Variants in CAPZB observed in about 807,000 individuals in gnomAD.
The protein encoded by CAPZB is capping actin protein of muscle Z-line subunit beta.
A neutral mutation model predicts 38.1 loss-of-function variants in CAPZB; 2 were observed. The observed-to-expected ratio is 0.05, with a 90% CI of 0.02 to 0.17. The LOEUF (loss-of-function observed/expected upper bound fraction) is 0.17. CAPZB is among the 10% of genes least tolerant of loss of function. The pLI, the probability that CAPZB is intolerant of heterozygous loss-of-function variation, is 1.00. For missense variants in CAPZB, 161 were observed against 334.2 expected (o/e 0.48, Z 4.04); for synonymous variants, 107 against 127.4 (o/e 0.84, Z 1.08).
chr1:19,403,776 G>T (rs1252002388), intron 2 of CAPZB, among the ~76,000 whole-genome samples: 1 of 152,170 alleles, frequency 6.6e-6, no homozygotes, highest in African/African-American at 2.4e-5. Context: ...TCACCCAACA[G>T]GCTGGATAAG....
intron 2 of CAPZB, among the ~76,000 whole-genome samples, chr1:19,393,071 A>G (rs867318072): frequency 6.6e-6 from 1 of 152,140 alleles, no homozygotes; most frequent in Non-Finnish European, 1.5e-5. Flanking sequence ...CCTGCTCCCC[A>G]ACTCCCCAAG....
chr1:19,432,062 A>G (rs920982214), intron 1 of CAPZB, among the ~76,000 whole-genome samples: 3 of 149,586 alleles, frequency 2.0e-5, no homozygotes, highest in East Asian at 1.9e-4. Flanking sequence ...AAAAAAAAAA[A>G]AAAGAAAAAA....
rs2094119991 is a variant in CAPZB, at chr1:19,371,624, GGGTCA to G, written c.329+6911_329+6915del. On this transcript the variant is annotated intron_variant, in intron 4 of 8. Transcript: ENST00000264202. ...GCTGGGCCTCAGACGCCATGGGTGA[GGGTCA>G]GAGGCTTTTGGTGGGAGGTGGTGGT... Among the ~76,000 whole-genome samples, 8 of 152,120 alleles carry G rather than the reference GGGTCA, an allele frequency of 5.3e-5. No individual in the cohort carries two copies. The South Asian group carries it at 1.7e-3, about 32-fold the overall frequency.
intron 6 of CAPZB, 98 bp from the exon 7 acceptor site, chr1:19,345,350 G>T: frequency 1.0e-6 from 1 of 978,482 alleles, no homozygotes; most frequent in African/African-American, 1.6e-5. Context: ...AGAGCCTACT[G>T]TTCCCACCGT....
chr1:19,448,024 C>T (rs2094502296), intron 1 of CAPZB, among the ~76,000 whole-genome samples: 2 of 152,214 alleles, frequency 1.3e-5, no homozygotes, highest in Non-Finnish European at 2.9e-5. Context: ...GTGAAACACA[C>T]TCCCCCAGGA....
At chr1:19,457,732 C>T (rs980744234) in intron 1 of CAPZB, among the ~76,000 whole-genome samples, 8 of 152,176 alleles carry the variant, frequency 5.3e-5, no homozygotes, top group Non-Finnish European at 1.2e-4. Flanking sequence ...TGGAAAGCAA[C>T]TTGGCAGAAT....
chr1:19,440,845 A>G (rs988217138), intron 1 of CAPZB, among the ~76,000 whole-genome samples: 7 of 152,178 alleles, frequency 4.6e-5, no homozygotes, highest in African/African-American at 1.7e-4. Context: ...CAGATCACAA[A>G]GTCAGGAGAT....
rs970944792 is a variant in CAPZB at position 19,449,330 on chromosome 1, G to A, written c.4-29580C>T. The stretch of plus-strand genomic sequence containing the variant: ...GATGCGAGTCACGGTCAGGCATGGA[G>A]CTGAGGAACGGGGAAGATTTTGCCA... On this transcript the variant is annotated intron_variant, in intron 1 of 8. Transcript: ENST00000264202. 1.4e-5 allele frequency: 14 copies of A among 1,025,568 alleles called. No individual in the cohort carries two copies. In the African/African-American group the frequency reaches 2.0e-4, roughly 15 times the overall value. 63.5% of individuals were successfully genotyped at this position (1,025,568 alleles called of 1,614,324 possible).
At chr1:19,430,737 C>T (rs2094439270) in intron 1 of CAPZB, among the ~76,000 whole-genome samples, 1 of 152,194 alleles carries the variant, frequency 6.6e-6, no homozygotes, top group Admixed American at 6.5e-5. Context: ...TGCACCCGCA[C>T]CTCAGAGAGC....
intron 1 of CAPZB, among the ~76,000 whole-genome samples, chr1:19,431,860 T>C (rs2094442846): frequency 6.6e-6 from 1 of 151,198 alleles, no homozygotes. Flanking sequence ...GCAGATCACT[T>C]GACCCCAGTA....
chr1:19,396,051 C>T (rs1261542040), intron 2 of CAPZB, among the ~76,000 whole-genome samples: 1 of 152,252 alleles, frequency 6.6e-6, no homozygotes, highest in African/African-American at 2.4e-5. Context: ...CTGATTCGGC[C>T]ACGCCTGCCT....
intron 1 of CAPZB, among the ~76,000 whole-genome samples, chr1:19,465,004 TAC>T (rs1382516483): frequency 6.6e-6 from 1 of 152,154 alleles, no homozygotes; most frequent in Non-Finnish European, 1.5e-5. Flanking sequence ...ACTCAAACTG[TAC>T]ACTTAAAGCT....
At chr1:19,393,441 C>T (rs919839565) in intron 2 of CAPZB, among the ~76,000 whole-genome samples, 3 of 152,158 alleles carry the variant, frequency 2.0e-5, no homozygotes, top group Admixed American at 6.5e-5. Flanking sequence ...CGCACCTATT[C>T]GGAGGCAGGA....
intron 1 of CAPZB, among the ~76,000 whole-genome samples, chr1:19,438,780 C>T (rs1295843514): frequency 1.3e-5 from 2 of 152,190 alleles, no homozygotes; most frequent in Non-Finnish European, 2.9e-5. Context: ...GGGAGGGGTG[C>T]AACGAAGGCA....
chr1:19,457,015 T>A (rs1345108479), intron 1 of CAPZB, among the ~76,000 whole-genome samples: 2 of 152,194 alleles, frequency 1.3e-5, no homozygotes, highest in Admixed American at 6.5e-5. Flanking sequence ...CTGTGTGTGT[T>A]GGAGGGTAGC....
intron 1 of CAPZB, among the ~76,000 whole-genome samples, chr1:19,463,462 A>G (rs1302489956): frequency 2.0e-5 from 3 of 152,186 alleles, no homozygotes; most frequent in African/African-American, 7.2e-5. Context: ...AAACAGGCTC[A>G]TTTCCTTTAC....
chr1:19,371,064 T>G (rs1312912403), intron 4 of CAPZB, among the ~76,000 whole-genome samples: 1 of 152,160 alleles, frequency 6.6e-6, no homozygotes, highest in Non-Finnish European at 1.5e-5. Context: ...ATCCCAAGGA[T>G]TCTCTCTCCA....
chr1:19,464,893 T>C (rs1008302756), intron 1 of CAPZB, among the ~76,000 whole-genome samples: 1 of 151,934 alleles, frequency 6.6e-6, no homozygotes, highest in Non-Finnish European at 1.5e-5. Flanking sequence ...CAAGGCTGTC[T>C]AGGAGGGGGA....
intron 1 of CAPZB, among the ~76,000 whole-genome samples, chr1:19,429,131 A>G (rs1182722772): frequency 6.6e-6 from 1 of 152,234 alleles, no homozygotes; most frequent in Non-Finnish European, 1.5e-5. Flanking sequence ...GTGTATGAGT[A>G]GCCACTCTTG....
Sources: gnomAD v4.1 joint callset for allele counts (sites outside exome capture counted in the v4.1 genomes callset) on GRCh38, gnomAD v4.1.1 for gene constraint, MANE v1.5 for transcripts, NCBI Gene and HGNC (gene_info 2026-07-23, HGNC 2026-07-21) for gene names.